PTHLH: variants seen among roughly 807,000 people sequenced by gnomAD.
PTHLH encodes the protein parathyroid hormone like hormone.
PTHLH carries 5 observed loss-of-function variants against 18.6 expected under a neutral mutation model. The ratio of observed to expected loss-of-function variants is 0.27; its 90% CI spans 0.14 to 0.56. The LOEUF is 0.56. Ranked by LOEUF, PTHLH falls within the 20% of genes least tolerant of loss-of-function variation. The probability of loss-of-function intolerance (pLI) is 0.92; values close to 1 mark genes in which losing one functional copy is unlikely to be tolerated. For missense variants in PTHLH, 207 were observed against 223.9 expected (o/e 0.92, Z 0.48); for synonymous variants, 90 against 94.0 (o/e 0.96, Z 0.25).
intron 5 of PTHLH, chr12:27,961,807 AG>A (rs2062763997): frequency 3.6e-6 from 2 of 559,200 alleles, no homozygotes; most frequent in East Asian, 5.9e-5. Flanking sequence ...GCCAGCTTAA[AG>A]AGACAAATAA....
At chr12:27,969,543 G>A (rs771686723) in intron 3 of PTHLH, 27 bp from the exon 4 acceptor site, 36 of 1,519,706 alleles carry the variant, frequency 2.4e-5, no homozygotes, top group Non-Finnish European at 2.9e-5. Flanking sequence ...TGGGACCCGA[G>A]TGTCAGTCTG....
chr12:27,971,936 T>C lies in PTHLH; in HGVS notation c.-275A>G, dbSNP rs907166913. 2.0e-4 allele frequency: 30 copies of C among 146,716 alleles called. No individual in the cohort carries two copies. The highest frequency in any genetic ancestry group is 7.4e-4 in the African/African-American group (29 of 39,420). The allele number at this position is 146,716 out of a possible 1,614,324, so 9.1% of individuals were successfully genotyped here. A position where few individuals can be genotyped will look rare whatever the true frequency, so the allele number is the denominator to read the frequency against. On this transcript the variant is annotated 5_prime_UTR_variant, in exon 2 of 6. Transcript: ENST00000545234. ...ACTCAGAAATGTCAACCTTTGAACC[T>C]CGAACACTTTCTGATTTATAAAAAG... is the stretch of plus-strand genomic sequence containing the variant.
At chr12:27,966,112 T>C (rs2120649729) in intron 4 of PTHLH, among the ~76,000 whole-genome samples, 1 of 152,344 alleles carries the variant, frequency 6.6e-6, no homozygotes, top group East Asian at 1.9e-4. Context: ...CTCATGGGCA[T>C]ATGTGCTTGT....
In PTHLH at chr12:27,963,220, T is replaced by C. The variant is rs949473682; in HGVS notation, c.524+128A>G. On this transcript the variant is annotated intron_variant, in intron 5 of 5. Transcript: ENST00000545234. ...ATATTCTGAGTTATTCTCTGTCAATTGCTACACAATCGATAGAGATACATA... is the reference window on the plus strand; with the variant it reads ...ATATTCTGAGTTATTCTCTGTCAATCGCTACACAATCGATAGAGATACATA... 4.8e-5 allele frequency: 75 copies of C among 1,550,386 alleles called. No individual in the cohort carries two copies. The Middle Eastern group carries it at 1.3e-3, about 27-fold the overall frequency.
At chr12:27,970,647 G>GCCCCGGGCAGCCGGCGGT (rs2062863877) in intron 2 of PTHLH, among the ~76,000 whole-genome samples, 1 of 152,026 alleles carries the variant, frequency 6.6e-6, no homozygotes, top group African/African-American at 2.4e-5. Flanking sequence ...CGTGCGGACT[G>GCCCCGGGCAGCCGGCGGT]CCCCGGGCAG....
rs2062729863 is a variant in PTHLH at position 27,958,545 on chromosome 12, C to G, written c.*14G>C. On this transcript the variant is annotated 3_prime_UTR_variant, in exon 6 of 6. Transcript: ENST00000545234. ...ATCCTGCAATATGTCCTTGGAAGGT[C>G]TCTGCTGAAAATTTCAATGCCTCCT... The G allele has an allele frequency of 6.4e-7, 1 of 1,573,140 alleles. No homozygotes were observed. The highest frequency in any genetic ancestry group is 1.2e-5 in the South Asian group (1 of 85,286).
chr12:27,969,263 G>T (rs1425335772), intron 4 of PTHLH, 131 bp downstream of exon 4: 2 of 874,320 alleles, frequency 2.3e-6, no homozygotes, highest in Non-Finnish European at 3.5e-6. Context: ...GCAGGTATCC[G>T]GGATGGTCCC....
In PTHLH at chr12:27,963,500, C is replaced by G; in HGVS notation, c.372G>C (p.Lys124Asn). The change falls in exon 5 of 6, where the codon AAG (lysine) becomes AAC (asparagine). Residue 124 changes from lysine (K) to asparagine (N), a missense_variant. Coordinates refer to ENST00000545234, the MANE Select transcript of PTHLH (RefSeq NM_198965.2). Reference sequence around the variant, plus strand: ...GTTTCCCGGGCTTGCCTTTCTTTTTCTTCCCAGGTGTCTTGAGCGGCTGCT... The same window carrying G: ...GTTTCCCGGGCTTGCCTTTCTTTTTGTTCCCAGGTGTCTTGAGCGGCTGCT... Reference protein sequence around the residue: ...YKEQPLKTPGKKKKGKPGKRK... With the variant: ...YKEQPLKTPGNKKKGKPGKRK... The G allele has an allele frequency of 6.2e-7, 1 of 1,614,124 alleles. No homozygotes were observed. Among genetic ancestry groups the G allele is most frequent in the Middle Eastern group, 1.6e-4 (1 of 6,062 alleles).
At chr12:27,962,065 A>G (rs2062766660) in intron 5 of PTHLH, 1 of 606,214 alleles carries the variant, frequency 1.6e-6, no homozygotes, top group African/African-American at 1.9e-5. Context: ...GGGCAAACAT[A>G]GCACTGTCTA....
intron 5 of PTHLH, among the ~76,000 whole-genome samples, chr12:27,959,142 T>A (rs375824025): frequency 8.5e-5 from 13 of 152,334 alleles, no homozygotes; most frequent in Admixed American, 5.2e-4. Context: ...ATGATATCCA[T>A]CTTAGTTGAT....
intron 5 of PTHLH, 159 bp downstream of exon 5, chr12:27,963,189 C>A: frequency 6.6e-7 from 1 of 1,518,140 alleles, no homozygotes; most frequent in South Asian, 1.3e-5. Flanking sequence ...TGCTTTAAGG[C>A]AGACAATATT....
chr12:27,969,790 G>C (rs1184315528), intron 3 of PTHLH: 1 of 630,624 alleles, frequency 1.6e-6, no homozygotes, highest in Admixed American at 1.8e-5. Context: ...AAATAATAGC[G>C]AAAATAAAAT....
intron 2 of PTHLH, among the ~76,000 whole-genome samples, chr12:27,970,532 G>C (rs1471565332): frequency 6.6e-6 from 1 of 151,784 alleles, no homozygotes; most frequent in Non-Finnish European, 1.5e-5. Flanking sequence ...CCCGGGCCCT[G>C]TCGCGCCATC....
chr12:27,967,419 C>T (rs1263081423), intron 4 of PTHLH, among the ~76,000 whole-genome samples: 3 of 152,102 alleles, frequency 2.0e-5, no homozygotes, highest in African/African-American at 4.8e-5. Flanking sequence ...AGCAGTTTCC[C>T]TAATACTTGG....
In PTHLH at chr12:27,962,952, AAG is replaced by A. The variant is rs2062774199; in HGVS notation, c.524+394_524+395del. 17 of 1,117,442 alleles carry A rather than the reference AAG, an allele frequency of 1.5e-5. No homozygotes were observed. In the South Asian group the frequency reaches 4.1e-4, roughly 27 times the overall value. The allele number at this position is 1,117,442 out of a possible 1,614,324, so 69.2% of individuals were successfully genotyped here. A position where few individuals can be genotyped will look rare whatever the true frequency, so the allele number is the denominator to read the frequency against. On this transcript the variant is annotated intron_variant, in intron 5 of 5. Transcript: ENST00000545234. ...ATTCTCCCTTGAAGTGAAAGAACGT[AAG>A]AAATGAAAAACACTGAAGAAAGTTT...
intron 4 of PTHLH, among the ~76,000 whole-genome samples, chr12:27,967,286 A>G (rs2062822861): frequency 6.6e-6 from 1 of 152,214 alleles, no homozygotes; most frequent in Non-Finnish European, 1.5e-5. Context: ...TGGGATTAAC[A>G]GGTCAAAAAG....
At chr12:27,969,970 G>C (rs758303181) in intron 3 of PTHLH, 55 bp downstream of exon 3, 2 of 519,004 alleles carry the variant, frequency 3.9e-6, no homozygotes, top group Non-Finnish European at 7.7e-6. Flanking sequence ...AGGCCCTTTC[G>C]TTCCAGAGCC....
intron 4 of PTHLH, 54 bp from the exon 5 acceptor site, chr12:27,963,824 A>C (rs1042684431): frequency 5.8e-6 from 9 of 1,557,462 alleles, no homozygotes; most frequent in Non-Finnish European, 7.9e-6. Context: ...AGTTGCTGAT[A>C]GAGACAACAA....
At chr12:27,968,329 C>A (rs1458727034) in intron 4 of PTHLH, among the ~76,000 whole-genome samples, 1 of 152,116 alleles carries the variant, frequency 6.6e-6, no homozygotes, top group Admixed American at 6.5e-5. Flanking sequence ...TTTTTGTACA[C>A]CCTCGGGAAT....
Sources: allele counts gnomAD v4.1 joint callset (sites outside exome capture counted in the v4.1 genomes callset), GRCh38; gene constraint gnomAD v4.1.1; transcripts MANE v1.5; gene names NCBI Gene and HGNC (gene_info 2026-07-23, HGNC 2026-07-21).